Variants in DLG2 observed in about 807,000 individuals in gnomAD.
DLG2 encodes the protein discs large MAGUK scaffold protein 2, also known as disks large homolog 2.
Under a neutral mutation model 132.5 loss-of-function variants are expected in DLG2, and 45 were observed. That is an observed-to-expected ratio of 0.34 (90% CI 0.27 to 0.44). DLG2 has a LOEUF of 0.44. DLG2 is among the 20% of genes least tolerant of loss of function. The pLI is 1.00. For missense variants in DLG2, 1,045 were observed against 1,196.9 expected (o/e 0.87, Z 1.87); for synonymous variants, 424 against 419.6 (o/e 1.01, Z -0.13).
Position 84,301,579 on chromosome 11 carries a change from A to G in DLG2, c.520-50288T>C, listed in dbSNP as rs2098153656. 4.0e-5 allele frequency among the ~76,000 whole-genome samples: 6 copies of G among 149,628 alleles called. 1 individual carries two copies. In the South Asian group the frequency reaches 1.3e-3, roughly 32 times the overall value. On this transcript the variant is annotated intron_variant, in intron 7 of 27. Transcript: ENST00000376104. The stretch of plus-strand genomic sequence containing the variant: ...GAGGCTGAGGCAGGAGAAGGGTGTG[A>G]ACCCGGGAGGTGGAGCTTGCAGTAA...
intron 6 of DLG2, among the ~76,000 whole-genome samples, chr11:84,685,774 C>T (rs1044701935): frequency 6.6e-5 from 10 of 152,068 alleles, no homozygotes; most frequent in African/African-American, 2.4e-4. Context: ...GGCGCGATCT[C>T]GGCTCACTGC....
At chr11:84,945,627 C>G (rs778130507) in intron 6 of DLG2, among the ~76,000 whole-genome samples, 10 of 152,210 alleles carry the variant, frequency 6.6e-5, no homozygotes, top group Admixed American at 3.3e-4. Flanking sequence ...TCCAGCTAGG[C>G]TTATGGCCTT....
chr11:83,661,093 A>G (rs528586354), intron 18 of DLG2, among the ~76,000 whole-genome samples: 5 of 152,076 alleles, frequency 3.3e-5, no homozygotes, highest in Admixed American at 2.6e-4. Flanking sequence ...AAATTCAAAC[A>G]CCAAATATAC....
intron 6 of DLG2, among the ~76,000 whole-genome samples, chr11:84,628,551 T>C (rs780315577): frequency 6.6e-6 from 1 of 152,248 alleles, no homozygotes; most frequent in Non-Finnish European, 1.5e-5. Flanking sequence ...TTCCTGAATT[T>C]GATGCATTTT....
At chr11:84,366,135 C>T (rs1279279112) in intron 7 of DLG2, among the ~76,000 whole-genome samples, 5 of 152,042 alleles carry the variant, frequency 3.3e-5, no homozygotes, top group Non-Finnish European at 7.4e-5. Flanking sequence ...CTCTACAAGC[C>T]AGAAGAGAGT....
At chr11:85,578,076 C>G (rs2153227681) in intron 3 of DLG2, among the ~76,000 whole-genome samples, 1 of 151,998 alleles carries the variant, frequency 6.6e-6, no homozygotes, top group Middle Eastern at 3.4e-3. Context: ...GAGAACCCAG[C>G]AATAAGAGCA....
At chr11:85,078,348 C>A (rs893663205) in intron 6 of DLG2, among the ~76,000 whole-genome samples, 2 of 151,048 alleles carry the variant, frequency 1.3e-5, no homozygotes, top group South Asian at 2.1e-4. Context: ...AGGAAGTGAG[C>A]GAACTAGTTA....
At position 84,502,200 on chromosome 11, in the gene DLG2, C is replaced by CCT. The variant is rs2099210720; in HGVS notation, c.519+32369_519+32370insAG. 4.1e-4 allele frequency among the ~76,000 whole-genome samples: 4 copies of CCT among 9,836 alleles called. 1 individual carries two copies. Among genetic ancestry groups the CCT allele is most frequent in the African/African-American group, 3.4e-3 (3 of 880 alleles). The allele number at this position is 9,836 out of a possible 152,430, so 6.5% of individuals were successfully genotyped here. A position where few individuals can be genotyped will look rare whatever the true frequency, so the allele number is the denominator to read the frequency against. On this transcript the variant is annotated intron_variant, in intron 7 of 27. Transcript: ENST00000376104. ...TTTCTCTCTCTTTCTCTCTCTCTCTCTCCTTCCTTCCTTCCTTCCTTCCTT... is the reference window on the plus strand; with the variant it reads ...TTTCTCTCTCTTTCTCTCTCTCTCTCCTTCCTTCCTTCCTTCCTTCCTTCCTT...
chr11:84,502,212 T>TCTCTC (rs1567803439), intron 7 of DLG2, among the ~76,000 whole-genome samples: 1 of 2,956 alleles, frequency 3.4e-4, no homozygotes, highest in Non-Finnish European at 5.9e-4. Flanking sequence ...CCTTCCTTCC[T>TCTCTC]TCCTTCCTTC....
chr11:84,585,840 T>A (rs572339172), intron 6 of DLG2, among the ~76,000 whole-genome samples: 5 of 152,330 alleles, frequency 3.3e-5, no homozygotes, highest in Admixed American at 2.0e-4. Context: ...AGTAATTTTT[T>A]AACTCTTGAC....
chr11:84,841,503 T>C (rs2080684030), intron 6 of DLG2, among the ~76,000 whole-genome samples: 3 of 151,992 alleles, frequency 2.0e-5, no homozygotes, highest in Non-Finnish European at 4.4e-5. Context: ...TCTGATAACA[T>C]CAGTATAAAT....
chr11:85,241,868 T>G (rs536026364), intron 4 of DLG2, among the ~76,000 whole-genome samples: 1 of 152,112 alleles, frequency 6.6e-6, no homozygotes, highest in South Asian at 2.1e-4. Flanking sequence ...AAAACATCTC[T>G]GTTTTATATC....
intron 3 of DLG2, among the ~76,000 whole-genome samples, chr11:85,537,565 TC>T (rs577936773): frequency 4.0e-5 from 6 of 151,544 alleles, no homozygotes; most frequent in Non-Finnish European, 8.8e-5. Flanking sequence ...AATGAACAAC[TC>T]CAGACGTGCC....
chr11:83,644,086 G>A (rs547406820), intron 18 of DLG2, among the ~76,000 whole-genome samples: 2 of 152,240 alleles, frequency 1.3e-5, no homozygotes, highest in African/African-American at 2.4e-5. Context: ...TCAAATGAAA[G>A]CTTCTCAAAA....
At chr11:84,358,745 T>C (rs185033033) in intron 7 of DLG2, among the ~76,000 whole-genome samples, 1 of 152,072 alleles carries the variant, frequency 6.6e-6, no homozygotes, top group East Asian at 1.9e-4. Context: ...ATGACTTATG[T>C]GTAATACCAT....
chr11:85,278,371 C>T (rs72950137), intron 4 of DLG2, among the ~76,000 whole-genome samples: 12,920 of 152,120 alleles, frequency 0.085, 682 homozygotes, highest in African/African-American at 0.14. Flanking sequence ...TTAAAAGTGC[C>T]TGGGCAGATC....
At chr11:84,777,877 T>C (rs984723680) in intron 6 of DLG2, among the ~76,000 whole-genome samples, 4 of 152,148 alleles carry the variant, frequency 2.6e-5, no homozygotes, top group Non-Finnish European at 4.4e-5. Context: ...GAATAGTTTA[T>C]AAATATTTGC....
intron 6 of DLG2, among the ~76,000 whole-genome samples, chr11:85,051,128 A>G (rs1407991924): frequency 6.6e-6 from 1 of 152,150 alleles, no homozygotes; most frequent in Non-Finnish European, 1.5e-5. Flanking sequence ...TCTTCAGGTA[A>G]ATGAAGAGGG....
chr11:83,870,694 T>G (rs918654983), intron 16 of DLG2, among the ~76,000 whole-genome samples: 1 of 152,200 alleles, frequency 6.6e-6, no homozygotes, highest in Non-Finnish European at 1.5e-5. Context: ...AAGCTTCTTT[T>G]TTTTGGTATT....
Sources: gnomAD v4.1 joint callset for allele counts (sites outside exome capture counted in the v4.1 genomes callset) on GRCh38, gnomAD v4.1.1 for gene constraint, MANE v1.5 for transcripts, NCBI Gene and HGNC (gene_info 2026-07-23, HGNC 2026-07-21) for gene names.